KCNG3: variants seen among roughly 807,000 people sequenced by gnomAD.
KCNG3 encodes the protein voltage-gated potassium channel regulatory subunit KCNG3.
In KCNG3, 15 loss-of-function variants were observed where a neutral mutation model predicts 29.0. The observed-to-expected ratio is 0.52, with a 90% CI of 0.35 to 0.80. The LOEUF is 0.80. Among genes scored for constraint, KCNG3 ranks in the 30% least tolerant of loss-of-function variants. The pLI, the probability that KCNG3 is intolerant of heterozygous loss-of-function variation, is 0.01. For synonymous variants in KCNG3, 322 were observed against 248.9 expected (o/e 1.29, Z -2.76); for missense variants, 512 against 605.7 (o/e 0.85, Z 1.62).
the KCNG3 span, among the ~76,000 whole-genome samples, chr2:42,393,946 A>G: frequency 9.9e-5 from 15 of 152,018 alleles, no homozygotes; most frequent in South Asian, 3.1e-3. Context: ...ATGCCCAACT[A>G]ATTTTTGTAC....
At chr2:42,481,235 G>A (rs940909839) in intron 1 of KCNG3, among the ~76,000 whole-genome samples, 2 of 152,180 alleles carry the variant, frequency 1.3e-5, no homozygotes, top group South Asian at 4.1e-4. Flanking sequence ...GTCATACCAT[G>A]AGGCCAGAGG....
At chr2:42,471,300 T>C (rs1326594472) in intron 1 of KCNG3, among the ~76,000 whole-genome samples, 1 of 152,076 alleles carries the variant, frequency 6.6e-6, no homozygotes, top group Non-Finnish European at 1.5e-5. Context: ...AACAACATGT[T>C]GCATAACCAT....
the KCNG3 span, among the ~76,000 whole-genome samples, chr2:42,435,029 G>A: frequency 2.0e-5 from 3 of 152,158 alleles, no homozygotes; most frequent in Non-Finnish European, 2.9e-5. Flanking sequence ...AGGGCTGGGC[G>A]CAGTGGCTCA....
chr2:42,446,586 C>A (rs1028183459), intron 1 of KCNG3, among the ~76,000 whole-genome samples: 1 of 152,024 alleles, frequency 6.6e-6, no homozygotes, highest in Non-Finnish European at 1.5e-5. Context: ...ATCAGAAGTA[C>A]AATGGAGAGA....
chr2:42,397,579 T>C, the KCNG3 span, among the ~76,000 whole-genome samples: 1 of 152,216 alleles, frequency 6.6e-6, no homozygotes, highest in South Asian at 2.1e-4. Flanking sequence ...ACTGAAATCA[T>C]GTAAGAAAGT....
chr2:42,441,911 G>C (rs1029150793), downstream of KCNG3: 1 of 151,770 alleles, frequency 6.6e-6, no homozygotes, highest in Admixed American at 6.6e-5. Flanking sequence ...CACTGTCGGG[G>C]ATACAAAGGT....
At chr2:42,476,698 C>T (rs560067543) in intron 1 of KCNG3, among the ~76,000 whole-genome samples, 84 of 148,478 alleles carry the variant, frequency 5.7e-4, no homozygotes, top group African/African-American at 2.0e-3. Context: ...CCATGTTGGC[C>T]AGGCTGGTCT....
intron 1 of KCNG3, among the ~76,000 whole-genome samples, chr2:42,476,256 G>C (rs1673422518): frequency 6.6e-6 from 1 of 151,356 alleles, no homozygotes; most frequent in Admixed American, 6.6e-5. Flanking sequence ...AGGATTGCTT[G>C]AACTCAGGAG....
chr2:42,459,129 G>C (rs1219439815), intron 1 of KCNG3, among the ~76,000 whole-genome samples: 1 of 151,250 alleles, frequency 6.6e-6, no homozygotes, highest in Non-Finnish European at 1.5e-5. Flanking sequence ...CCGGGATGTG[G>C]AGGTTGCAGT....
the KCNG3 span, among the ~76,000 whole-genome samples, chr2:42,393,404 T>C: frequency 6.6e-6 from 1 of 151,820 alleles, no homozygotes; most frequent in African/African-American, 2.4e-5. Flanking sequence ...CTGCTAAAAA[T>C]ACAAAAATGA....
At chr2:42,483,446 T>C (rs548614277) in intron 1 of KCNG3, among the ~76,000 whole-genome samples, 81 of 152,366 alleles carry the variant, frequency 5.3e-4, no homozygotes, top group African/African-American at 1.2e-3. Flanking sequence ...GTTTGCACTT[T>C]TGAAAAACTA....
At chr2:42,454,173 C>T (rs1282046300) in intron 1 of KCNG3, among the ~76,000 whole-genome samples, 2 of 151,110 alleles carry the variant, frequency 1.3e-5, no homozygotes, top group African/African-American at 4.9e-5. Context: ...GGTACATCCA[C>T]TATGCATAAC....
rs1672556421 is a variant in KCNG3, at chr2:42,444,660, C to A, written c.666-81G>T. Reference sequence around the variant, plus strand: ...TCTTAGATTTCTTCAGATAGTACTACACTGACATACTAATTCAGTTACTTT... The same window carrying A: ...TCTTAGATTTCTTCAGATAGTACTAAACTGACATACTAATTCAGTTACTTT... On this transcript the variant is annotated intron_variant, in intron 1 of 1. Coordinates refer to ENST00000306078, the MANE Select transcript of KCNG3 (RefSeq NM_133329.6). This position sits in a 1 kb window ranked among gnomAD's most constrained non-coding sequence, Gnocchi z 5.8. The A allele has an allele frequency of 8.2e-7, 1 of 1,212,732 alleles. No homozygotes were observed. 75.1% of individuals were successfully genotyped at this position (1,212,732 alleles called of 1,614,324 possible). A position where few individuals can be genotyped will look rare whatever the true frequency, so the allele number is the denominator to read the frequency against.
At chr2:42,391,845 G>A in the KCNG3 span, among the ~76,000 whole-genome samples, 143 of 151,474 alleles carry the variant, frequency 9.4e-4, 1 homozygote, top group Non-Finnish European at 1.8e-3. Flanking sequence ...CTCGTGATCC[G>A]CCCGCCTCGG....
At chr2:42,472,708 C>G (rs1321164075) in intron 1 of KCNG3, among the ~76,000 whole-genome samples, 2 of 151,626 alleles carry the variant, frequency 1.3e-5, no homozygotes, top group Non-Finnish European at 1.5e-5. Flanking sequence ...CCACGTTGCA[C>G]AGGCTGGTCT....
At chr2:42,434,665 TCAAAAAAA>T in the KCNG3 span, among the ~76,000 whole-genome samples, 1 of 28,976 alleles carries the variant, frequency 3.5e-5, no homozygotes, top group Non-Finnish European at 5.7e-5. Context: ...AAACTCCATC[TCAAAAAAA>T]AAAAAAAAAA....
the KCNG3 span, among the ~76,000 whole-genome samples, chr2:42,401,017 A>G: frequency 6.6e-6 from 1 of 150,810 alleles, no homozygotes; most frequent in African/African-American, 2.4e-5. Flanking sequence ...TATTAAATGT[A>G]TTGTTTTCTC....
At position 42,481,782 on chromosome 2, in the gene KCNG3, A is replaced by T. The variant is rs1354370866; in HGVS notation, c.665+11055T>A. On this transcript the variant is annotated intron_variant, in intron 1 of 1. Coordinates refer to ENST00000306078, the MANE Select transcript of KCNG3 (RefSeq NM_133329.6). ...TTGTGCTTCCTCTTCTCTATGCTTA[A>T]AACTCTTTCACCCAGCTATCTTCCC... Among the ~76,000 whole-genome samples, 9 of 152,126 alleles carry T rather than the reference A, an allele frequency of 5.9e-5. No homozygotes were observed. In the South Asian group the frequency reaches 1.9e-3, roughly 32 times the overall value.
At chr2:42,477,364 C>CAT (rs560697152) in intron 1 of KCNG3, among the ~76,000 whole-genome samples, 2 of 132,566 alleles carry the variant, frequency 1.5e-5, no homozygotes, top group East Asian at 4.8e-4. Flanking sequence ...TGTGTATATA[C>CAT]ATATATATAC....
Sources: gnomAD v4.1 joint callset for allele counts (sites outside exome capture counted in the v4.1 genomes callset) on GRCh38, gnomAD v4.1.1 for gene constraint, Gnocchi (gnomAD v3.1) non-coding constraint, MANE v1.5 for transcripts, NCBI Gene and HGNC (gene_info 2026-07-23, HGNC 2026-07-21) for gene names.